Variants in ADAMTS3 observed in about 807,000 individuals in gnomAD.
The protein encoded by ADAMTS3 is A disintegrin and metalloproteinase with thrombospondin motifs 3.
ADAMTS3 carries 73 observed loss-of-function variants against 129.0 expected under a neutral mutation model. The ratio of observed to expected loss-of-function variants is 0.57; its 90% CI spans 0.47 to 0.69. ADAMTS3 has a LOEUF of 0.69. Ranked by LOEUF, ADAMTS3 falls within the 30% of genes least tolerant of loss-of-function variation. ADAMTS3 has a pLI of 0.00. For synonymous variants in ADAMTS3, 477 were observed against 510.8 expected, an observed-to-expected ratio of 0.93 and a Z score of 0.89; for missense variants, 1,457 against 1,514.5, an observed-to-expected ratio of 0.96 and a Z score of 0.63.
At chr4:72,315,817 A>C (rs1719379308) in intron 11 of ADAMTS3, 41 bp downstream of exon 11, 2 of 1,305,648 alleles carry the variant, frequency 1.5e-6, no homozygotes, top group East Asian at 4.6e-5. Context: ...ATAATTATGC[A>C]ACATATCTTA....
At chr4:72,292,210 T>C (rs143706022) in intron 19 of ADAMTS3, among the ~76,000 whole-genome samples, 213 of 152,364 alleles carry the variant, frequency 1.4e-3, no homozygotes, top group African/African-American at 4.9e-3. Flanking sequence ...GTCATGTCTA[T>C]TATACATAGT....
At chr4:72,353,701 A>C (rs1269047133) in intron 4 of ADAMTS3, among the ~76,000 whole-genome samples, 1 of 152,030 alleles carries the variant, frequency 6.6e-6, no homozygotes, top group Non-Finnish European at 1.5e-5. Flanking sequence ...ATGTACACTT[A>C]AATCTTTTCA....
intron 16 of ADAMTS3, among the ~76,000 whole-genome samples, chr4:72,305,254 T>C (rs960247814): frequency 2.6e-5 from 4 of 152,086 alleles, no homozygotes; most frequent in East Asian, 1.9e-4. Context: ...GTGGAAATTA[T>C]AATCAGCTCT....
chr4:72,283,598 C>T lies in ADAMTS3; in HGVS notation c.3156G>A (p.Lys1052=). 1 of 1,613,974 alleles carries T rather than the reference C, an allele frequency of 6.2e-7. No homozygotes were observed. Among genetic ancestry groups the T allele is most frequent in the South Asian group, 1.1e-5 (1 of 91,070 alleles). ...ATGGTGGTGGCAGGGTGCTACTGCGCTTGCTGCAGGACTCACAACATAACT... is the reference window on the plus strand; with the variant it reads ...ATGGTGGTGGCAGGGTGCTACTGCGTTTGCTGCAGGACTCACAACATAACT... ...YNKLCCESCS[K]RSSTLPPPYL... Residue 1052 remains lysine (K), a synonymous_variant, in exon 22 of 22, where the codon AAG becomes AAA. Transcript: ENST00000286657.
intron 3 of ADAMTS3, among the ~76,000 whole-genome samples, chr4:72,457,512 T>C (rs1318818344): frequency 6.6e-6 from 1 of 151,664 alleles, no homozygotes; most frequent in African/African-American, 2.4e-5. Context: ...TTAAATAAAA[T>C]GCGGTTGTTC....
intron 20 of ADAMTS3, 149 bp downstream of exon 20, chr4:72,290,706 A>G: frequency 1.3e-6 from 1 of 797,850 alleles, no homozygotes; most frequent in East Asian, 2.7e-5. Flanking sequence ...TTAAAGCATT[A>G]ATTTTTCCTA....
intron 4 of ADAMTS3, among the ~76,000 whole-genome samples, chr4:72,399,726 G>GCATA (rs1721832062): frequency 1.3e-4 from 1 of 7,438 alleles, no homozygotes; most frequent in African/African-American, 3.5e-4. Context: ...GCATATGTGT[G>GCATA]TATATACACA....
At chr4:72,414,088 A>C (rs1722246437) in intron 4 of ADAMTS3, among the ~76,000 whole-genome samples, 1 of 151,880 alleles carries the variant, frequency 6.6e-6, no homozygotes, top group Non-Finnish European at 1.5e-5. Flanking sequence ...TTCATTAAGA[A>C]AGTTGTCTTG....
Position 72,339,620 on chromosome 4 carries a change from CATT to C in ADAMTS3, c.732_734del (p.Met245del). 5.6e-6 allele frequency: 9 copies of C among 1,613,970 alleles called. No individual in the cohort carries two copies. In the Middle Eastern group the frequency reaches 5.0e-4, roughly 89 times the overall value. ...TTTCTCCCGCGTGTCTGCGGCGTCT[CATT>C]GTTTCATTCAGCTGCTGGTGGATGT... On this transcript the variant is annotated inframe_deletion, in exon 5 of 22. Coordinates refer to ENST00000286657, the MANE Select transcript of ADAMTS3 (RefSeq NM_014243.3).
chr4:72,398,529 C>T (rs1721786807), intron 4 of ADAMTS3, among the ~76,000 whole-genome samples: 1 of 152,014 alleles, frequency 6.6e-6, no homozygotes, highest in Admixed American at 6.6e-5. Flanking sequence ...GAGCTGAGAT[C>T]GTGCCACTGC....
At chr4:72,341,033 T>A (rs181815808) in intron 4 of ADAMTS3, among the ~76,000 whole-genome samples, 1 of 152,244 alleles carries the variant, frequency 6.6e-6, no homozygotes, top group East Asian at 1.9e-4. Context: ...GCCATTTGAG[T>A]CAGCATCTGA....
intron 7 of ADAMTS3, 76 bp from the exon 8 acceptor site, chr4:72,320,039 AG>A (rs1719513266): frequency 5.6e-6 from 7 of 1,255,330 alleles, no homozygotes; most frequent in Non-Finnish European, 8.0e-6. Flanking sequence ...ACTTTTGCCT[AG>A]GGGGAAAAAA....
At chr4:72,507,851 G>C (rs969317705) in intron 3 of ADAMTS3, among the ~76,000 whole-genome samples, 5 of 152,250 alleles carry the variant, frequency 3.3e-5, no homozygotes, top group Admixed American at 2.6e-4. Context: ...GAAATCTCCT[G>C]TTATGAATAT....
intron 20 of ADAMTS3, among the ~76,000 whole-genome samples, chr4:72,289,119 G>A (rs1372718203): frequency 6.6e-6 from 1 of 152,070 alleles, no homozygotes; most frequent in Non-Finnish European, 1.5e-5. Context: ...CTTATCTAGT[G>A]GAAAGCTGGG....
intron 3 of ADAMTS3, among the ~76,000 whole-genome samples, chr4:72,445,330 A>C (rs1304336215): frequency 6.6e-6 from 1 of 151,726 alleles, no homozygotes; most frequent in East Asian, 2.0e-4. Context: ...GATACAGAGA[A>C]AGGCAAAACT....
At chr4:72,556,458 T>C (rs1721769590) in intron 2 of ADAMTS3, among the ~76,000 whole-genome samples, 1 of 151,794 alleles carries the variant, frequency 6.6e-6, no homozygotes, top group Non-Finnish European at 1.5e-5. Flanking sequence ...ATTGTCAACA[T>C]TGCAATGACT....
intron 2 of ADAMTS3, among the ~76,000 whole-genome samples, chr4:72,554,603 T>C (rs1721719060): frequency 6.7e-6 from 1 of 148,990 alleles, no homozygotes; most frequent in African/African-American, 2.6e-5. Flanking sequence ...ATTTTATACA[T>C]GTCTTATAAC....
chr4:72,391,427 G>T (rs1034166751), intron 4 of ADAMTS3, among the ~76,000 whole-genome samples: 1 of 152,250 alleles, frequency 6.6e-6, no homozygotes, highest in Middle Eastern at 3.4e-3. Flanking sequence ...ATAAAGCTTA[G>T]CAGTCCAGGC....
At chr4:72,463,347 G>A (rs550411262) in intron 3 of ADAMTS3, among the ~76,000 whole-genome samples, 32 of 152,080 alleles carry the variant, frequency 2.1e-4, no homozygotes, top group African/African-American at 6.0e-4. Context: ...TAATGGGTAC[G>A]TAGCTCAGAA....
Sources: allele counts gnomAD v4.1 joint callset (sites outside exome capture counted in the v4.1 genomes callset), GRCh38; gene constraint gnomAD v4.1.1; transcripts MANE v1.5; gene names NCBI Gene and HGNC (gene_info 2026-07-23, HGNC 2026-07-21).